The following FGF12 variants were observed in gnomAD, a reference collection of about 807,000 sequenced individuals.
FGF12 encodes the protein fibroblast growth factor 12B.
A neutral mutation model predicts 23.6 loss-of-function variants in FGF12; 14 were observed. The observed-to-expected ratio is 0.59, with a 90% confidence interval of 0.39 to 0.93. FGF12 has a LOEUF of 0.93. Among genes scored for constraint, FGF12 ranks in the 40% least tolerant of loss-of-function variants. FGF12 has a pLI of 0.00. For synonymous variants in FGF12, 62 were observed against 77.3 expected (o/e 0.80, Z 1.04); for missense variants, 175 against 217.8 (o/e 0.80, Z 1.24).
chr3:192,294,623 G>C (rs1714932313), intron 4 of FGF12, among the ~76,000 whole-genome samples: 1 of 152,172 alleles, frequency 6.6e-6, no homozygotes, highest in South Asian at 2.1e-4. Context: ...AAGTGCATGA[G>C]ATTGTATAGA....
rs780457922 is a variant in FGF12, at chr3:192,672,674, T to C, written c.13+54507A>G. Among the ~76,000 whole-genome samples the C allele has an allele frequency of 1.2e-4, 18 of 151,170 alleles. 1 individual carries two copies. The highest frequency in any genetic ancestry group is 1.1e-3 in the Admixed American group (16 of 15,070). On this transcript the variant is annotated intron_variant, in intron 2 of 5. Transcript: ENST00000445105. Reference sequence around the variant, plus strand: ...TGTGTGGGCTTCGTTTTGTTCCCTTTATTGACCCATTTGCTTAAATTTTCA... The same window carrying C: ...TGTGTGGGCTTCGTTTTGTTCCCTTCATTGACCCATTTGCTTAAATTTTCA...
intron 2 of FGF12, among the ~76,000 whole-genome samples, chr3:192,567,536 C>T (rs1403794848): frequency 2.6e-5 from 4 of 152,122 alleles, no homozygotes; most frequent in African/African-American, 4.8e-5. Context: ...AAACCCACTA[C>T]AGACTTGGGG....
chr3:192,566,212 A>G (rs1404563083), intron 2 of FGF12, among the ~76,000 whole-genome samples: 1 of 152,266 alleles, frequency 6.6e-6, no homozygotes, highest in African/African-American at 2.4e-5. Flanking sequence ...TCGCTCTACT[A>G]GTTAGAGCCA....
intron 2 of FGF12, among the ~76,000 whole-genome samples, chr3:192,661,432 A>G (rs1577106073): frequency 6.6e-6 from 1 of 152,166 alleles, no homozygotes; most frequent in Non-Finnish European, 1.5e-5. Context: ...AGACTGAGGC[A>G]GGAGAATTGC....
chr3:192,607,044 C>A (rs1227098164), intron 2 of FGF12, among the ~76,000 whole-genome samples: 1 of 150,078 alleles, frequency 6.7e-6, no homozygotes, highest in Non-Finnish European at 1.5e-5. Flanking sequence ...CGCAGGTACA[C>A]TATCCATTCA....
At chr3:192,623,596 G>C (rs1424834277) in intron 2 of FGF12, among the ~76,000 whole-genome samples, 1 of 152,154 alleles carries the variant, frequency 6.6e-6, no homozygotes, top group Non-Finnish European at 1.5e-5. Flanking sequence ...AAAGAGCAAG[G>C]CTCTATGAAT....
At chr3:192,623,734 A>T (rs1715058113) in intron 2 of FGF12, among the ~76,000 whole-genome samples, 1 of 152,182 alleles carries the variant, frequency 6.6e-6, no homozygotes, top group Non-Finnish European at 1.5e-5. Flanking sequence ...AGAGGCTGTA[A>T]GAAAATCAGC....
chr3:192,596,688 G>A (rs1325060815), intron 2 of FGF12, among the ~76,000 whole-genome samples: 1 of 152,144 alleles, frequency 6.6e-6, no homozygotes, highest in African/African-American at 2.4e-5. Flanking sequence ...TTTAGGATAA[G>A]CTAAAAGATT....
intron 2 of FGF12, among the ~76,000 whole-genome samples, chr3:192,564,693 T>G (rs1405155723): frequency 1.3e-5 from 2 of 152,212 alleles, no homozygotes; most frequent in African/African-American, 4.8e-5. Flanking sequence ...CAAAATGGGC[T>G]ATAGCAAGTT....
chr3:192,408,836 C>T lies in FGF12; in HGVS notation c.14-48298G>A. On this transcript the variant is annotated intron_variant, in intron 2 of 5. Transcript: ENST00000445105. The surrounding 1 kb of genome is among the most constrained non-coding windows in gnomAD (Gnocchi z 7.3). ...AGGAAGGCAGCAATTTAACTCCCTGCGGCCCGCGGTTCTGAAGATTAGGAG... is the reference window on the plus strand; with the variant it reads ...AGGAAGGCAGCAATTTAACTCCCTGTGGCCCGCGGTTCTGAAGATTAGGAG... 1.0e-6 allele frequency: 1 copy of T among 985,572 alleles called. No individual in the cohort carries two copies. The highest frequency in any genetic ancestry group is 1.2e-6 in the Non-Finnish European group (1 of 830,062). 61.1% of individuals were successfully genotyped at this position (985,572 alleles called of 1,614,324 possible). A position where few individuals can be genotyped will look rare whatever the true frequency, so the allele number is the denominator to read the frequency against.
intron 2 of FGF12, among the ~76,000 whole-genome samples, chr3:192,467,595 C>G (rs1723049356): frequency 6.6e-6 from 1 of 152,178 alleles, no homozygotes; most frequent in South Asian, 2.1e-4. Context: ...CTCTGACATG[C>G]TATGTCAAGA....
intron 2 of FGF12, among the ~76,000 whole-genome samples, chr3:192,669,973 TG>T (rs1054689039): frequency 3.3e-5 from 5 of 152,252 alleles, no homozygotes; most frequent in African/African-American, 1.2e-4. Context: ...AATTCCCTTT[TG>T]TCTCTAATCT....
At chr3:192,271,435 T>C (rs1713431038) in intron 4 of FGF12, among the ~76,000 whole-genome samples, 1 of 152,186 alleles carries the variant, frequency 6.6e-6, no homozygotes. Context: ...GGCTGAAACA[T>C]TACAATAGCA....
chr3:192,218,517 C>A (rs994994788), intron 4 of FGF12, among the ~76,000 whole-genome samples: 1 of 152,132 alleles, frequency 6.6e-6, no homozygotes, highest in Non-Finnish European at 1.5e-5. Flanking sequence ...TGGCACCTCC[C>A]CGTCTCTCTC....
At chr3:192,652,488 T>A (rs996983248) in intron 2 of FGF12, among the ~76,000 whole-genome samples, 1 of 152,154 alleles carries the variant, frequency 6.6e-6, no homozygotes, top group South Asian at 2.1e-4. Flanking sequence ...AAGTAAAATA[T>A]CCTCTCTATG....
At chr3:192,242,133 AGAAG>A (rs1220390329) in intron 4 of FGF12, among the ~76,000 whole-genome samples, 1 of 152,220 alleles carries the variant, frequency 6.6e-6, no homozygotes, top group Non-Finnish European at 1.5e-5. Flanking sequence ...TAAGGAAAGT[AGAAG>A]GAAGAATATT....
intron 4 of FGF12, among the ~76,000 whole-genome samples, chr3:192,322,958 G>T (rs1022694982): frequency 6.6e-6 from 1 of 152,132 alleles, no homozygotes; most frequent in African/African-American, 2.4e-5. Context: ...TGGCAGACAG[G>T]TATATAAAAA....
intron 2 of FGF12, among the ~76,000 whole-genome samples, chr3:192,506,954 T>G (rs549171438): frequency 5.4e-5 from 8 of 148,914 alleles, no homozygotes; most frequent in Middle Eastern, 3.4e-3. Context: ...TGTAGTGGTG[T>G]GATCTCGGCT....
chr3:192,297,611 C>A (rs951386852), intron 4 of FGF12, among the ~76,000 whole-genome samples: 3 of 152,166 alleles, frequency 2.0e-5, no homozygotes, highest in African/African-American at 7.2e-5. Context: ...ATAGGCCCTT[C>A]ATTTGCAAAG....
Sources: allele counts gnomAD v4.1 joint callset (sites outside exome capture counted in the v4.1 genomes callset), GRCh38; gene constraint gnomAD v4.1.1; non-coding constraint Gnocchi (gnomAD v3.1); transcripts MANE v1.5; gene names NCBI Gene and HGNC (gene_info 2026-07-23, HGNC 2026-07-21).